SREK1: variants seen among roughly 807,000 people sequenced by gnomAD.
SREK1 encodes the protein splicing regulatory glutamic acid and lysine rich protein 1, also known as splicing regulatory glutamine/lysine-rich protein 1.
SREK1 carries 13 observed loss-of-function variants against 66.5 expected under a neutral mutation model. The observed-to-expected ratio is 0.20, with a 90% CI of 0.13 to 0.31. The LOEUF (loss-of-function observed/expected upper bound fraction) is 0.31, where lower values mean the gene tolerates loss of function less well. Ranked by LOEUF, SREK1 falls within the 10% of genes least tolerant of loss-of-function variation. SREK1 has a pLI of 1.00. For synonymous variants in SREK1, 265 were observed against 263.5 expected (o/e 1.01, Z -0.05); for missense variants, 607 against 769.6 (o/e 0.79, Z 2.50).
chr5:66,144,579 T>A, intron 1 of SREK1, 42 bp downstream of exon 1: 6 of 1,525,260 alleles, frequency 3.9e-6, no homozygotes, highest in Non-Finnish European at 5.3e-6. Flanking sequence ...GCGGGCGCCA[T>A]AGAGACCTCG....
intron 3 of SREK1, 108 bp from the exon 4 acceptor site, chr5:66,162,001 C>G (rs758774322): frequency 7.5e-7 from 1 of 1,325,058 alleles, no homozygotes; most frequent in Non-Finnish European, 1.0e-6. Context: ...TCCCTAGTCT[C>G]CTTTCATTCT....
At chr5:66,159,158 C>A in intron 2 of SREK1, 61 bp from the exon 3 acceptor site, 1 of 1,550,818 alleles carries the variant, frequency 6.4e-7, no homozygotes, top group Non-Finnish European at 8.7e-7. Context: ...ATTGTAAAAT[C>A]ATAGTGTAAA....
At chr5:66,165,081 G>A in intron 7 of SREK1, 184 bp downstream of exon 7, 1 of 497,356 alleles carries the variant, frequency 2.0e-6, no homozygotes. Context: ...TTTGTCTAAT[G>A]ATACTTAATT....
At chr5:66,178,252 G>A (rs1026069744) in intron 11 of SREK1, among the ~76,000 whole-genome samples, 1 of 152,052 alleles carries the variant, frequency 6.6e-6, no homozygotes, top group African/African-American at 2.4e-5. Context: ...CATTTACGAT[G>A]TGCCGGGCAC....
intron 5 of SREK1, 44 bp downstream of exon 5, chr5:66,162,636 T>A: frequency 6.5e-7 from 1 of 1,531,270 alleles, no homozygotes; most frequent in Non-Finnish European, 8.8e-7. Context: ...TTTGAAACAT[T>A]TAAAGTATTT....
Position 66,170,953 on chromosome 5 carries a change from A to G in SREK1, c.1484+6A>G. 6.3e-7 allele frequency: 1 copy of G among 1,582,628 alleles called. No homozygotes were observed. The highest frequency in any genetic ancestry group is 8.5e-7 in the Non-Finnish European group (1 of 1,169,920). ...AGATCTCGTAGTTCCAGCAGGTTTGATAATGCTTAAAATTTTTACAAAGGG... is the reference window on the plus strand; with the variant it reads ...AGATCTCGTAGTTCCAGCAGGTTTGGTAATGCTTAAAATTTTTACAAAGGG... On this transcript the variant is annotated splice_donor_region_variant and intron_variant, in intron 9 of 11. Transcript: ENST00000334121.
intron 1 of SREK1, among the ~76,000 whole-genome samples, chr5:66,151,821 T>G (rs1230349578): frequency 6.8e-6 from 1 of 146,252 alleles, no homozygotes; most frequent in Non-Finnish European, 1.5e-5. Flanking sequence ...AGTTGGATGC[T>G]AAGAGGTACA....
At position 66,144,359 on chromosome 5, in the gene SREK1, A is replaced by G. The variant is rs763767457; in HGVS notation, c.-18A>G. ...CGTAGACGTTGGGGAGCGGGAAGGC[A>G]ACGGCAGCGGGATCGGGATGAACAG... On this transcript the variant is annotated 5_prime_UTR_variant, in exon 1 of 12. Transcript: ENST00000334121. 3.9e-6 allele frequency: 6 copies of G among 1,527,378 alleles called. No homozygotes were observed. In the Admixed American group the frequency reaches 1.2e-4, roughly 31 times the overall value. The allele number at this position is 1,527,378 out of a possible 1,614,324, so 94.6% of individuals were successfully genotyped here. A position where few individuals can be genotyped will look rare whatever the true frequency, so the allele number is the denominator to read the frequency against.
intron 7 of SREK1, 96 bp downstream of exon 7, chr5:66,164,993 A>C (rs1391396400): frequency 5.8e-6 from 7 of 1,208,402 alleles, no homozygotes; most frequent in African/African-American, 3.1e-5. Flanking sequence ...AGAAGTTAGA[A>C]ATTTTAGTAG....
intron 7 of SREK1, chr5:66,167,520 G>A (rs973847248): frequency 2.6e-5 from 4 of 152,138 alleles, no homozygotes; most frequent in Non-Finnish European, 5.9e-5. Flanking sequence ...TTAAAAATGA[G>A]AGTTAATGAT....
In SREK1 at chr5:66,150,223, A is replaced by G. The variant is rs117998134; in HGVS notation, c.162-3240A>G. Among the ~76,000 whole-genome samples, 72 of 152,356 alleles carry G rather than the reference A, an allele frequency of 4.7e-4. No individual in the cohort carries two copies. The East Asian group carries it at 0.012, about 25-fold the overall frequency. On this transcript the variant is annotated intron_variant, in intron 1 of 11. Coordinates refer to ENST00000334121, the MANE Select transcript of SREK1 (RefSeq NM_001077199.3). ...TAGGATCTTTTGAGGGTTTCACATG[A>G]GGAAACCGTGCTAAGGCCTGTGCCA... is the stretch of plus-strand genomic sequence containing the variant.
intron 3 of SREK1, among the ~76,000 whole-genome samples, chr5:66,161,277 T>A (rs1744738036): frequency 6.6e-6 from 1 of 152,170 alleles, no homozygotes; most frequent in Non-Finnish European, 1.5e-5. Context: ...TATTTTTGAA[T>A]TCACTTAGTA....
intron 1 of SREK1, among the ~76,000 whole-genome samples, chr5:66,151,053 C>A (rs917339917): frequency 3.3e-5 from 5 of 152,096 alleles, no homozygotes; most frequent in African/African-American, 1.2e-4. Context: ...GTTGGCTAGA[C>A]TGGTCTCAAA....
intron 3 of SREK1, among the ~76,000 whole-genome samples, chr5:66,161,798 A>G (rs1047031346): frequency 1.3e-5 from 2 of 152,228 alleles, no homozygotes; most frequent in African/African-American, 2.4e-5. Context: ...TAATGGTTCA[A>G]TATTCAATAA....
intron 2 of SREK1, chr5:66,156,245 C>T (rs1050609676): frequency 5.4e-6 from 7 of 1,298,130 alleles, no homozygotes; most frequent in Non-Finnish European, 6.8e-6. Context: ...ATTTCTTTTT[C>T]TTTATTTTGT....
At chr5:66,167,699 C>T (rs941457419) in intron 7 of SREK1, 2 of 152,118 alleles carry the variant, frequency 1.3e-5, no homozygotes, top group Non-Finnish European at 2.9e-5. Flanking sequence ...GGTTGGAAGC[C>T]AAGTGATCAG....
rs1263474964 is a variant in SREK1 at position 66,159,100 on chromosome 5, C to A, written c.296-119C>A. ...TTCTTATTTATTTCTTTATACAGAT[C>A]TGATAGATAGATTCATTTATTATTA... is the stretch of plus-strand genomic sequence containing the variant. On this transcript the variant is annotated intron_variant, in intron 2 of 11. Coordinates refer to ENST00000334121, the MANE Select transcript of SREK1 (RefSeq NM_001077199.3). The A allele has an allele frequency of 7.0e-6, 10 of 1,433,892 alleles. No individual in the cohort carries two copies. The Admixed American group carries it at 2.3e-4, about 33-fold the overall frequency. The allele number at this position is 1,433,892 out of a possible 1,614,324, so 88.8% of individuals were successfully genotyped here.
intron 1 of SREK1, among the ~76,000 whole-genome samples, chr5:66,149,451 A>G (rs530452029): frequency 6.6e-6 from 1 of 152,234 alleles, no homozygotes; most frequent in Non-Finnish European, 1.5e-5. Context: ...GAACAGACCA[A>G]CATTTTTTTA....
intron 1 of SREK1, among the ~76,000 whole-genome samples, chr5:66,151,032 G>C (rs575256520): frequency 2.0e-5 from 3 of 152,108 alleles, no homozygotes; most frequent in African/African-American, 7.2e-5. Flanking sequence ...GTAGAGATGG[G>C]GTTTCATCAT....
Sources: allele counts gnomAD v4.1 joint callset (sites outside exome capture counted in the v4.1 genomes callset), GRCh38; gene constraint gnomAD v4.1.1; transcripts MANE v1.5; gene names NCBI Gene and HGNC (gene_info 2026-07-23, HGNC 2026-07-21).